The following ELF2 variants were observed in gnomAD, a reference collection of about 807,000 sequenced individuals.
ELF2 encodes ETS-related transcription factor Elf-2.
A neutral mutation model predicts 54.8 loss-of-function variants in ELF2; 11 were observed. The ratio of observed to expected loss-of-function variants is 0.20; its 90% CI spans 0.13 to 0.33. The LOEUF is 0.33. Among genes scored for constraint, ELF2 ranks in the 10% least tolerant of loss-of-function variants. The pLI is 1.00. For missense variants in ELF2, 513 were observed against 703.0 expected (o/e 0.73, Z 3.06); for synonymous variants, 203 against 245.1 (o/e 0.83, Z 1.61).
chr4:139,164,540 G>A (rs2148906676), intron 1 of ELF2, among the ~76,000 whole-genome samples: 1 of 152,298 alleles, frequency 6.6e-6, no homozygotes, highest in Admixed American at 6.5e-5. Flanking sequence ...TGGAGGCTCA[G>A]TCAGGAGAAT....
intron 4 of ELF2, among the ~76,000 whole-genome samples, chr4:139,112,627 T>C (rs1192677605): frequency 6.6e-6 from 1 of 152,268 alleles, no homozygotes; most frequent in East Asian, 1.9e-4. Context: ...AAATTCTATA[T>C]AATCCACAGT....
chr4:139,173,626 C>A (rs10222839), intron 1 of ELF2, among the ~76,000 whole-genome samples: 1 of 151,180 alleles, frequency 6.6e-6, no homozygotes, highest in Non-Finnish European at 1.5e-5. Context: ...GGCGTGGTGG[C>A]ACGCGCCCGT....
chr4:139,156,562 C>G (rs1740560757), intron 1 of ELF2, among the ~76,000 whole-genome samples: 1 of 152,102 alleles, frequency 6.6e-6, no homozygotes, highest in African/African-American at 2.4e-5. Context: ...GGCCTTGACA[C>G]TGAGTAATCC....
At chr4:139,083,988 T>TC (rs988944804) in intron 4 of ELF2, 2 of 1,349,554 alleles carry the variant, frequency 1.5e-6, no homozygotes, top group Non-Finnish European at 2.0e-6. Flanking sequence ...CTTCATTCAC[T>TC]CCCCCCTTTC....
At chr4:139,107,988 A>T (rs564326129) in intron 4 of ELF2, among the ~76,000 whole-genome samples, 1 of 152,154 alleles carries the variant, frequency 6.6e-6, no homozygotes, top group South Asian at 2.1e-4. Context: ...GCATGGTAAG[A>T]GCTAAAACTG....
intron 4 of ELF2, among the ~76,000 whole-genome samples, chr4:139,093,836 A>G (rs1732941430): frequency 6.6e-6 from 1 of 151,536 alleles, no homozygotes; most frequent in South Asian, 2.1e-4. Flanking sequence ...GATGGCCATT[A>G]ATATTACTAC....
At chr4:139,175,139 G>A (rs530831334) in intron 1 of ELF2, among the ~76,000 whole-genome samples, 1 of 152,320 alleles carries the variant, frequency 6.6e-6, no homozygotes, top group Admixed American at 6.5e-5. Context: ...TCGTGAAGCT[G>A]TTACTCCTCC....
chr4:139,095,041 TAAC>T (rs905738814), intron 4 of ELF2, among the ~76,000 whole-genome samples: 1 of 152,134 alleles, frequency 6.6e-6, no homozygotes, highest in African/African-American at 2.4e-5. Context: ...CTGTAAATAA[TAAC>T]AATTTTGTTT....
At position 139,070,177 on chromosome 4, in the gene ELF2, A is replaced by G. The variant is rs1041740482; in HGVS notation, c.526+1689T>C. Among the ~76,000 whole-genome samples the G allele has an allele frequency of 2.0e-4, 30 of 152,112 alleles. 1 individual carries two copies. Among genetic ancestry groups the G allele is most frequent in the Admixed American group, 2.0e-3 (30 of 15,266 alleles). Reference sequence around the variant, plus strand: ...TTAAATGGTCACTAAGAGCTTTCACAGAAATAAATAAAATTGTATTAAATT... The same window carrying G: ...TTAAATGGTCACTAAGAGCTTTCACGGAAATAAATAAAATTGTATTAAATT... On this transcript the variant is annotated intron_variant, in intron 6 of 9. Transcript: ENST00000686138.
intron 1 of ELF2, among the ~76,000 whole-genome samples, chr4:139,164,536 C>T (rs1192067592): frequency 6.6e-6 from 1 of 152,124 alleles, no homozygotes; most frequent in Non-Finnish European, 1.5e-5. Context: ...ACTCTGGAGG[C>T]TCAGTCAGGA....
rs184523016 is a variant in ELF2 at position 139,133,070 on chromosome 4, C to T, written c.72+4560G>A. Among the ~76,000 whole-genome samples, 367 of 151,706 alleles carry T rather than the reference C, an allele frequency of 2.4e-3. 1 individual carries two copies. The highest frequency in any genetic ancestry group is 8.3e-3 in the African/African-American group (345 of 41,352). On this transcript the variant is annotated intron_variant, in intron 3 of 9. Coordinates refer to ENST00000686138, the MANE Select transcript of ELF2 (RefSeq NM_001331036.3). ...CCAAGTAGCTGGGACTACAGGCACCCGCCACCATGCCCGGCTAATTTTTTG... is the reference window on the plus strand; with the variant it reads ...CCAAGTAGCTGGGACTACAGGCACCTGCCACCATGCCCGGCTAATTTTTTG...
chr4:139,103,547 TG>T (rs1734124771), intron 4 of ELF2, among the ~76,000 whole-genome samples: 1 of 152,274 alleles, frequency 6.6e-6, no homozygotes, highest in Non-Finnish European at 1.5e-5. Context: ...TGGAGGTTCC[TG>T]GAGTGTGGCA....
chr4:139,073,024 A>G lies in ELF2; in HGVS notation c.352+430T>C, dbSNP rs1729740883. On this transcript the variant is annotated intron_variant, in intron 5 of 9. Coordinates refer to ENST00000686138, the MANE Select transcript of ELF2 (RefSeq NM_001331036.3). ...AAAAACTCACACTGAAGGATGTGTG[A>G]AAAAAATGTCAAAAGCTCCCTTGTC... 2.6e-5 allele frequency among the ~76,000 whole-genome samples: 4 copies of G among 152,314 alleles called. No individual in the cohort carries two copies. In the South Asian group the frequency reaches 8.3e-4, roughly 32 times the overall value.
chr4:139,164,714 T>C (rs1361579388), intron 1 of ELF2, among the ~76,000 whole-genome samples: 1 of 152,106 alleles, frequency 6.6e-6, no homozygotes, highest in African/African-American at 2.4e-5. Flanking sequence ...CTGTTCTTAG[T>C]AAAAATTGCA....
chr4:139,067,474 T>C (rs1050410903), intron 7 of ELF2: 18 of 513,452 alleles, frequency 3.5e-5, no homozygotes, highest in Non-Finnish European at 5.6e-5. Flanking sequence ...GATACAACTA[T>C]GGTTACAGAA....
intron 1 of ELF2, among the ~76,000 whole-genome samples, chr4:139,164,492 G>A (rs1221679593): frequency 1.3e-5 from 2 of 151,908 alleles, no homozygotes; most frequent in Non-Finnish European, 2.9e-5. Flanking sequence ...CAAAAATTAG[G>A]TGGGCGTGGT....
At chr4:139,164,670 C>T (rs1279278838) in intron 1 of ELF2, among the ~76,000 whole-genome samples, 3 of 152,170 alleles carry the variant, frequency 2.0e-5, no homozygotes, top group Admixed American at 6.5e-5. Context: ...TTTTGGTCCC[C>T]TGTGTTAGAA....
chr4:139,095,489 T>G (rs1042570780), intron 4 of ELF2, among the ~76,000 whole-genome samples: 2 of 152,062 alleles, frequency 1.3e-5, no homozygotes, highest in African/African-American at 4.8e-5. Flanking sequence ...CAGCCTGCTA[T>G]AGATTTTTAA....
At chr4:139,163,680 G>A (rs1000552233) in intron 1 of ELF2, among the ~76,000 whole-genome samples, 8 of 152,180 alleles carry the variant, frequency 5.3e-5, no homozygotes, top group South Asian at 4.1e-4. Context: ...TTGGGAGGCC[G>A]AAGCAGCCAG....
Sources: gnomAD v4.1 joint callset for allele counts (sites outside exome capture counted in the v4.1 genomes callset) on GRCh38, gnomAD v4.1.1 for gene constraint, MANE v1.5 for transcripts, NCBI Gene and HGNC (gene_info 2026-07-23, HGNC 2026-07-21) for gene names.